Variants in FSTL5 observed in about 807,000 individuals in gnomAD.
FSTL5 encodes follistatin like 5.
A neutral mutation model predicts 89.1 loss-of-function variants in FSTL5; 62 were observed. That is an observed-to-expected ratio of 0.70 (90% CI 0.57 to 0.86). The LOEUF is 0.86. FSTL5 is among the 40% of genes least tolerant of loss of function. The pLI, the probability that FSTL5 is intolerant of heterozygous loss-of-function variation, is 0.00. For synonymous variants in FSTL5, 383 were observed against 346.2 expected (o/e 1.11, Z -1.18); for missense variants, 1,057 against 1,001.6 (o/e 1.06, Z -0.75).
chr4:162,067,256 T>C (rs778807054), intron 2 of FSTL5, among the ~76,000 whole-genome samples: 19 of 152,142 alleles, frequency 1.2e-4, no homozygotes, highest in Non-Finnish European at 2.2e-4. Context: ...TTGCACCATG[T>C]TGCTCAGGCT....
At chr4:162,057,439 G>A (rs112004483) in intron 2 of FSTL5, among the ~76,000 whole-genome samples, 2,573 of 152,242 alleles carry the variant, frequency 0.017, 17 homozygotes, top group Non-Finnish European at 0.028. Context: ...TATTTTAACA[G>A]ATTTAAGAAT....
At chr4:162,144,733 T>A (rs533590964) in intron 1 of FSTL5, among the ~76,000 whole-genome samples, 71 of 152,156 alleles carry the variant, frequency 4.7e-4, no homozygotes, top group African/African-American at 1.6e-3. Flanking sequence ...CAAAGAGAAT[T>A]AGGTGAAATA....
chr4:162,126,199 T>C (rs1295525318), intron 1 of FSTL5, among the ~76,000 whole-genome samples: 1 of 152,110 alleles, frequency 6.6e-6, no homozygotes, highest in Admixed American at 6.5e-5. Context: ...AGGTTACTTT[T>C]ATGCTGAAAT....
chr4:161,895,261 C>T (rs1733119127), intron 4 of FSTL5, among the ~76,000 whole-genome samples: 1 of 152,150 alleles, frequency 6.6e-6, no homozygotes, highest in Non-Finnish European at 1.5e-5. Context: ...GCTCTTTCTA[C>T]TGTATAAAGA....
intron 15 of FSTL5, among the ~76,000 whole-genome samples, chr4:161,448,733 C>G (rs987707916): frequency 2.0e-5 from 3 of 152,120 alleles, no homozygotes; most frequent in Non-Finnish European, 4.4e-5. Flanking sequence ...TGATCGGAAA[C>G]AAGATAAATC....
intron 7 of FSTL5, among the ~76,000 whole-genome samples, chr4:161,645,818 C>T (rs935821010): frequency 6.6e-6 from 1 of 151,922 alleles, no homozygotes; most frequent in African/African-American, 2.4e-5. Flanking sequence ...TTTTAAGAGC[C>T]ACAATGTCCT....
At chr4:161,899,482 C>T (rs769085344) in intron 4 of FSTL5, among the ~76,000 whole-genome samples, 2 of 152,198 alleles carry the variant, frequency 1.3e-5, no homozygotes, top group African/African-American at 2.4e-5. Flanking sequence ...TACATTTACA[C>T]ACAAGTGTCA....
At chr4:161,767,401 C>T (rs138472243) in intron 5 of FSTL5, among the ~76,000 whole-genome samples, 1 of 152,254 alleles carries the variant, frequency 6.6e-6, no homozygotes, top group East Asian at 1.9e-4. Flanking sequence ...GTTCTTTACA[C>T]GTTTGTCGAG....
chr4:162,144,251 A>G (rs1732882938), intron 1 of FSTL5, among the ~76,000 whole-genome samples: 1 of 152,228 alleles, frequency 6.6e-6, no homozygotes. Context: ...AAATGCACAC[A>G]TCAGTGATTT....
intron 3 of FSTL5, among the ~76,000 whole-genome samples, chr4:161,962,436 G>A (rs571698853): frequency 2.6e-5 from 4 of 151,858 alleles, no homozygotes; most frequent in Admixed American, 6.6e-5. Flanking sequence ...TTCTTCTATC[G>A]TAACCATCTG....
At chr4:161,706,378 G>C (rs944090775) in intron 6 of FSTL5, among the ~76,000 whole-genome samples, 1 of 151,840 alleles carries the variant, frequency 6.6e-6, no homozygotes, top group African/African-American at 2.4e-5. Flanking sequence ...TTTAACTTTA[G>C]ATGTAGAAAT....
intron 7 of FSTL5, among the ~76,000 whole-genome samples, chr4:161,623,770 C>A (rs1214728524): frequency 6.6e-6 from 1 of 151,774 alleles, no homozygotes; most frequent in South Asian, 2.1e-4. Context: ...ACTTAAAAAG[C>A]CTACCGCTTT....
intron 4 of FSTL5, among the ~76,000 whole-genome samples, chr4:161,898,057 C>A (rs13107654): frequency 7.4e-5 from 11 of 148,776 alleles, no homozygotes; most frequent in Admixed American, 4.0e-4. Context: ...GAATTGACAG[C>A]TCATTTTTTA....
chr4:161,889,000 A>G (rs1732902512), intron 4 of FSTL5, among the ~76,000 whole-genome samples: 1 of 152,168 alleles, frequency 6.6e-6, no homozygotes, highest in Non-Finnish European at 1.5e-5. Flanking sequence ...GATTTCTGAT[A>G]TTAGGTGTGT....
intron 3 of FSTL5, among the ~76,000 whole-genome samples, chr4:161,953,425 A>G (rs1033975308): frequency 1.3e-5 from 2 of 151,632 alleles, no homozygotes; most frequent in African/African-American, 4.8e-5. Context: ...AACCTGGAAA[A>G]AAATACTATA....
chr4:161,421,845 A>G (rs1173731534), intron 15 of FSTL5, among the ~76,000 whole-genome samples: 1 of 152,274 alleles, frequency 6.6e-6, no homozygotes, highest in Non-Finnish European at 1.5e-5. Context: ...TCAAATCTTT[A>G]GAAAATGGCT....
chr4:162,124,950 G>T (rs983239620), intron 1 of FSTL5, among the ~76,000 whole-genome samples: 3 of 152,124 alleles, frequency 2.0e-5, no homozygotes, highest in Admixed American at 6.5e-5. Context: ...TGATCCGCCC[G>T]CCTTGGCCTC....
intron 6 of FSTL5, among the ~76,000 whole-genome samples, chr4:161,722,584 A>G (rs1739253854): frequency 6.6e-6 from 1 of 152,146 alleles, no homozygotes. Flanking sequence ...GTAAATTGCA[A>G]TGATGTATTT....
At chr4:161,767,422 G>T (rs926498237) in intron 5 of FSTL5, among the ~76,000 whole-genome samples, 1 of 152,132 alleles carries the variant, frequency 6.6e-6, no homozygotes, top group African/African-American at 2.4e-5. Flanking sequence ...GCTTTTCAGG[G>T]ATTTATTCTC....
Sources: allele counts gnomAD v4.1 joint callset (sites outside exome capture counted in the v4.1 genomes callset), GRCh38; gene constraint gnomAD v4.1.1; transcripts MANE v1.5; gene names NCBI Gene and HGNC (gene_info 2026-07-23, HGNC 2026-07-21).